KDM6A: variants seen among roughly 807,000 people sequenced by gnomAD.
KDM6A encodes the protein lysine-specific demethylase 6A.
A neutral mutation model predicts 117.6 loss-of-function variants in KDM6A; 11 were observed. That is an observed-to-expected ratio of 0.09 (90% CI 0.06 to 0.15). The LOEUF (loss-of-function observed/expected upper bound fraction) is 0.15. KDM6A is among the 10% of genes least tolerant of loss of function. The probability of loss-of-function intolerance (pLI) is 1.00; values close to 1 mark genes in which losing one functional copy is unlikely to be tolerated. For missense variants in KDM6A, 799 were observed against 1,077.3 expected, an observed-to-expected ratio of 0.74 and a Z score of 3.62; for synonymous variants, 384 against 396.1, an observed-to-expected ratio of 0.97 and a Z score of 0.36.
chrX:44,987,566 C>T (rs374247824), intron 4 of KDM6A, among the ~76,000 whole-genome samples: 8 of 111,641 alleles, frequency 7.2e-5, no homozygotes, highest in African/African-American at 6.5e-5. Flanking sequence ...TTTCCATGTT[C>T]AGTGCTTCCT....
intron 16 of KDM6A, among the ~76,000 whole-genome samples, chrX:45,063,039 T>G (rs908120417): frequency 9.0e-6 from 1 of 111,476 alleles, no homozygotes; most frequent in Non-Finnish European, 1.9e-5. Flanking sequence ...TAGGGCTTAT[T>G]TAGTTTACAG....
chrX:45,032,006 TC>T (rs1171796807), intron 6 of KDM6A, among the ~76,000 whole-genome samples: 1 of 110,812 alleles, frequency 9.0e-6, no homozygotes, highest in Non-Finnish European at 1.9e-5. Context: ...CCAGAAGTGC[TC>T]CATAAAAAGA....
At chrX:45,048,328 ATT>A (rs1056426047) in intron 8 of KDM6A, among the ~76,000 whole-genome samples, 7 of 110,628 alleles carry the variant, frequency 6.3e-5, no homozygotes, top group African/African-American at 2.3e-4. Flanking sequence ...GATTGACTAT[ATT>A]TTTCTGAAGA....
chrX:45,059,178 A>T, intron 11 of KDM6A, 69 bp from the exon 12 acceptor site: 1 of 1,173,241 alleles, frequency 8.5e-7, no homozygotes, highest in Non-Finnish European at 1.2e-6. Context: ...AGTACTTCAT[A>T]GTTTAAATCA....
intron 4 of KDM6A, among the ~76,000 whole-genome samples, chrX:44,998,566 G>A (rs754751164): frequency 8.1e-5 from 9 of 110,903 alleles, no homozygotes; most frequent in Non-Finnish European, 1.3e-4. Context: ...TTCCCCAGTA[G>A]GTTTTGTTTT....
At chrX:44,895,014 A>C (rs1218523403) in intron 2 of KDM6A, among the ~76,000 whole-genome samples, 1 of 110,728 alleles carries the variant, frequency 9.0e-6, no homozygotes, top group Admixed American at 9.7e-5. Flanking sequence ...TGATCCACCC[A>C]CCTTGGCTTC....
chrX:44,873,455 T>G lies in KDM6A; in HGVS notation c.-97T>G. The G allele has an allele frequency of 1.8e-6, 2 of 1,096,768 alleles. No homozygotes were observed. The highest frequency in any genetic ancestry group is 1.9e-5 in the African/African-American group (1 of 52,983). 90.4% of individuals were successfully genotyped at this position (1,096,768 alleles called of 1,213,427 possible). A position where few individuals can be genotyped will look rare whatever the true frequency, so the allele number is the denominator to read the frequency against. ...GGCGGAGGAGGAGGCGGCGATAAAG[T>G]TGGTGTGCTGGTCCCGCGCGCAGAT... is the stretch of plus-strand genomic sequence containing the variant. On this transcript the variant is annotated 5_prime_UTR_variant, in exon 1 of 30. Transcript: ENST00000611820.
chrX:44,888,609 G>A (rs1028644607), intron 2 of KDM6A, among the ~76,000 whole-genome samples: 1 of 112,165 alleles, frequency 8.9e-6, no homozygotes, highest in African/African-American at 3.2e-5. Flanking sequence ...TGCACATAAT[G>A]AAATTGAGAT....
At chrX:44,893,147 C>T (rs914457147) in intron 2 of KDM6A, among the ~76,000 whole-genome samples, 1 of 110,245 alleles carries the variant, frequency 9.1e-6, no homozygotes, top group African/African-American at 3.3e-5. Context: ...TACACTCCTT[C>T]AGCCTGGGCG....
At chrX:45,022,775 G>A (rs1006363374) in intron 6 of KDM6A, among the ~76,000 whole-genome samples, 1 of 111,520 alleles carries the variant, frequency 9.0e-6, no homozygotes, top group African/African-American at 3.3e-5. Context: ...TTTTTAGGCT[G>A]TAACCTCAGG....
At chrX:45,054,738 C>T (rs2043999831) in intron 10 of KDM6A, among the ~76,000 whole-genome samples, 1 of 111,888 alleles carries the variant, frequency 8.9e-6, no homozygotes, top group Non-Finnish European at 1.9e-5. Flanking sequence ...AGTCCTGATT[C>T]AGCTACTGTT....
intron 8 of KDM6A, among the ~76,000 whole-genome samples, chrX:45,047,178 TA>T (rs976661955): frequency 1.8e-5 from 2 of 111,326 alleles, no homozygotes; most frequent in African/African-American, 3.3e-5. Context: ...TGTGCTCAGA[TA>T]TTTTTTTTCT....
chrX:45,108,545 G>A (rs2046616409), intron 28 of KDM6A, among the ~76,000 whole-genome samples: 2 of 110,116 alleles, frequency 1.8e-5, no homozygotes, highest in African/African-American at 6.6e-5. Flanking sequence ...TTCAACCATT[G>A]TGGAAGTCAG....
chrX:44,922,988 A>G (rs1325977492), intron 2 of KDM6A, among the ~76,000 whole-genome samples: 1 of 111,732 alleles, frequency 8.9e-6, no homozygotes, highest in African/African-American at 3.3e-5. Flanking sequence ...TTTATTTAAA[A>G]AAATATTTTG....
intron 8 of KDM6A, among the ~76,000 whole-genome samples, chrX:45,048,172 A>AC (rs1286344482): frequency 9.2e-6 from 1 of 108,175 alleles, no homozygotes; most frequent in Non-Finnish European, 1.9e-5. Context: ...AAAAAAAAAA[A>AC]AAAAAAAACT....
At chrX:45,034,848 C>A (rs2042740501) in intron 6 of KDM6A, 83 bp from the exon 7 acceptor site, 3 of 727,616 alleles carry the variant, frequency 4.1e-6, no homozygotes, top group Admixed American at 4.5e-5. Context: ...TTATTTTAGA[C>A]CTTACATACC....
At chrX:44,883,921 G>A (rs1387014413) in intron 2 of KDM6A, among the ~76,000 whole-genome samples, 1 of 108,860 alleles carries the variant, frequency 9.2e-6, no homozygotes, top group Admixed American at 9.9e-5. Context: ...TGACCAACAT[G>A]GATAAACCCC....
At chrX:45,082,457 T>G in intron 21 of KDM6A, 119 bp from the exon 22 acceptor site, 1 of 520,735 alleles carries the variant, frequency 1.9e-6, no homozygotes, top group East Asian at 3.5e-5. Context: ...ACATGAAACT[T>G]AGTTTCAAAA....
At chrX:44,924,339 A>G (rs892777584) in intron 2 of KDM6A, among the ~76,000 whole-genome samples, 18 of 111,995 alleles carry the variant, frequency 1.6e-4, no homozygotes, top group Non-Finnish European at 2.8e-4. Flanking sequence ...AGTGAATTTT[A>G]TCTCATTGCT....
Sources: gnomAD v4.1 joint callset for allele counts (sites outside exome capture counted in the v4.1 genomes callset) on GRCh38, gnomAD v4.1.1 for gene constraint, MANE v1.5 for transcripts, NCBI Gene and HGNC (gene_info 2026-07-23, HGNC 2026-07-21) for gene names.